Variants in INAVA observed in about 807,000 individuals in gnomAD.
The protein encoded by INAVA is innate immunity activator, also known as innate immunity activator protein.
Under a neutral mutation model 55.3 loss-of-function variants are expected in INAVA, and 32 were observed. That is an observed-to-expected ratio of 0.58 (90% CI 0.44 to 0.78). The LOEUF is 0.78. Among genes scored for constraint, INAVA ranks in the 30% least tolerant of loss-of-function variants. The pLI, the probability that INAVA is intolerant of heterozygous loss-of-function variation, is 0.00. For missense variants in INAVA, 756 were observed against 786.4 expected (o/e 0.96, Z 0.46); for synonymous variants, 294 against 329.4 (o/e 0.89, Z 1.16).
intron 2 of INAVA, 86 bp from the exon 3 acceptor site, chr1:200,899,387 G>A: frequency 1.4e-6 from 2 of 1,438,708 alleles, no homozygotes; most frequent in Non-Finnish European, 1.9e-6. Context: ...GTGTGTGCAT[G>A]TGCATTCCCC....
intron 1 of INAVA, among the ~76,000 whole-genome samples, chr1:200,895,882 C>A (rs1466943861): frequency 6.6e-6 from 1 of 152,194 alleles, no homozygotes; most frequent in Non-Finnish European, 1.5e-5. Context: ...GCAGCAGAAC[C>A]AAGCCTTGAG....
In INAVA at chr1:200,901,109, G is replaced by C. The variant is rs1329123458; in HGVS notation, c.470G>C (p.Arg157Pro). ...LQELQRCLVE[R>P]RRNSEPPPAA... ...GAGCTCCAGCGCTGCCTGGTCGAGC[G>C]GCGGCGCAATAGCGAGCCACCTCCG... Residue 157 changes from arginine to proline, a missense_variant, in exon 5 of 10, where the codon CGG (arginine) becomes CCG (proline). Arg to Pro is a moderately radical substitution (Grantham distance 103, BLOSUM62 -2). This residue lies in a region of INAVA where 639 missense variants were observed against 624.3 expected (regional missense o/e 1.02). Transcript: ENST00000413687. The C allele has an allele frequency of 2.0e-6, 3 of 1,534,384 alleles. No homozygotes were observed. The highest frequency in any genetic ancestry group is 1.4e-5 in the African/African-American group (1 of 72,928).
At chr1:200,896,604 G>T (rs1248221347) in intron 1 of INAVA, among the ~76,000 whole-genome samples, 1 of 152,226 alleles carries the variant, frequency 6.6e-6, no homozygotes, top group Non-Finnish European at 1.5e-5. Flanking sequence ...AAATTCCAAA[G>T]TGCAAGGTAC....
chr1:200,908,786 C>G lies in INAVA; in HGVS notation c.631C>G (p.Leu211Val). 6.2e-7 allele frequency: 1 copy of G among 1,612,564 alleles called. No homozygotes were observed. Among genetic ancestry groups the G allele is most frequent in the Non-Finnish European group, 8.5e-7 (1 of 1,179,294 alleles). The change falls in exon 7 of 10, where the codon CTC becomes GTC. Residue 211 changes from leucine to valine, a missense_variant. By Grantham distance (32) the Leu-to-Val change is conservative. Coordinates refer to ENST00000413687, the MANE Select transcript of INAVA (RefSeq NM_001142569.3). ...GTCTCCAGCCCCACCTTCTCGGCCT[C>G]TCCCACCCCAAACCCTTGAGGGTCT... ...PESPAPPSRP[L>V]PPQTLEGLQP...
intron 5 of INAVA, among the ~76,000 whole-genome samples, chr1:200,907,597 T>C (rs1653546623): frequency 6.6e-6 from 1 of 151,760 alleles, no homozygotes; most frequent in African/African-American, 2.4e-5. Context: ...AGGTCAAGGC[T>C]GCAGTGAGCC....
Position 200,913,874 on chromosome 1 carries a change from G to C in INAVA, c.*245G>C, listed in dbSNP as rs556843527. The C allele has an allele frequency of 6.7e-3, 3,286 of 487,968 alleles. 45 individuals carry two copies. The highest frequency in any genetic ancestry group is 0.057 in the African/African-American group (2,967 of 51,746). The allele number at this position is 487,968 out of a possible 1,614,324, so 30.2% of individuals were successfully genotyped here. A position where few individuals can be genotyped will look rare whatever the true frequency, so the allele number is the denominator to read the frequency against. ...TTTATCCCCCAGAGTTTGGCCTACT[G>C]GACTTAAGGCCTTGCCTGTCTGACT... is the stretch of plus-strand genomic sequence containing the variant. On this transcript the variant is annotated 3_prime_UTR_variant, in exon 10 of 10. Coordinates refer to ENST00000413687, the MANE Select transcript of INAVA (RefSeq NM_001142569.3).
Position 200,901,052 on chromosome 1 carries a change from A to C in INAVA, c.413A>C (p.His138Pro), listed in dbSNP as rs997256958. ...LSRQARRQRK[H>P]SMLQEEKKLQ... ...AGGCAGGCTCGGCGGCAGCGGAAGC[A>C]CTCCATGCTGCAGGAGGAGAAGAAG... The change falls in exon 5 of 10, where the codon CAC (histidine) becomes CCC (proline). Residue 138 changes from histidine (H) to proline (P), a missense_variant. This residue lies in a region of INAVA where 639 missense variants were observed against 624.3 expected (regional missense o/e 1.02). Coordinates refer to ENST00000413687, the MANE Select transcript of INAVA (RefSeq NM_001142569.3). The C allele has an allele frequency of 5.2e-6, 8 of 1,545,478 alleles. No individual in the cohort carries two copies. The Admixed American group carries it at 9.8e-5, about 19-fold the overall frequency.
At position 200,894,918 on chromosome 1, in the gene INAVA, G is replaced by T. The variant is rs576858286; in HGVS notation, c.-264G>T. 387 of 985,728 alleles carry T rather than the reference G, an allele frequency of 3.9e-4. No homozygotes were observed. The highest frequency in any genetic ancestry group is 4.6e-4 in the Non-Finnish European group (381 of 830,174). 61.1% of individuals were successfully genotyped at this position (985,728 alleles called of 1,614,324 possible). On this transcript the variant is annotated 5_prime_UTR_variant, in exon 1 of 10. Coordinates refer to ENST00000413687, the MANE Select transcript of INAVA (RefSeq NM_001142569.3). The stretch of plus-strand genomic sequence containing the variant: ...CTGGCCCGGCAGCCTGGGAGGGACG[G>T]CAAGGTAGGCAGGTGAGCCGAGACG...
At chr1:200,893,104 A>G (rs1668267810), upstream of INAVA, among the ~76,000 whole-genome samples, 1 of 152,220 alleles carries the variant, frequency 6.6e-6, no homozygotes, top group African/African-American at 2.4e-5. Context: ...ACCTTTAGTT[A>G]TGAAGACAAC....
In INAVA at chr1:200,895,063, C is replaced by T. The variant is rs868428079; in HGVS notation, c.-119C>T. 4.5e-5 allele frequency: 44 copies of T among 985,610 alleles called. No homozygotes were observed. The highest frequency in any genetic ancestry group is 5.2e-4 in the Middle Eastern group (1 of 1,940). The allele number at this position is 985,610 out of a possible 1,614,324, so 61.1% of individuals were successfully genotyped here. On this transcript the variant is annotated 5_prime_UTR_variant, in exon 1 of 10. Transcript: ENST00000413687. Reference sequence around the variant, plus strand: ...ACTGGAAGCAGGGGCTGTTTTTCAACTCCTGGACTAAAGCCCAGAAGCAGG... The same window carrying T: ...ACTGGAAGCAGGGGCTGTTTTTCAATTCCTGGACTAAAGCCCAGAAGCAGG...
intron 6 of INAVA, chr1:200,908,479 T>G (rs1653581476): frequency 2.5e-6 from 1 of 403,018 alleles, no homozygotes; most frequent in Non-Finnish European, 4.4e-6. Flanking sequence ...TGGAGCACTG[T>G]AAGCCCAAGA....
At chr1:200,896,910 A>C (rs577913878) in intron 1 of INAVA, among the ~76,000 whole-genome samples, 2 of 152,348 alleles carry the variant, frequency 1.3e-5, no homozygotes, top group African/African-American at 4.8e-5. Flanking sequence ...AGAAACTCGG[A>C]AGGACTTTTG....
chr1:200,912,219 G>A (rs1326429505), intron 9 of INAVA, 82 bp downstream of exon 9: 10 of 1,264,212 alleles, frequency 7.9e-6, no homozygotes, highest in Non-Finnish European at 9.6e-6. Flanking sequence ...GTATGTCCAA[G>A]GGTACAGAGG....
At chr1:200,904,900 A>C (rs1398656092) in intron 5 of INAVA, among the ~76,000 whole-genome samples, 1 of 151,742 alleles carries the variant, frequency 6.6e-6, no homozygotes, top group Non-Finnish European at 1.5e-5. Flanking sequence ...CCAGCAAATT[A>C]AAACAAAACA....
chr1:200,905,188 C>T (rs1429657424), intron 5 of INAVA, among the ~76,000 whole-genome samples: 1 of 152,136 alleles, frequency 6.6e-6, no homozygotes, highest in Non-Finnish European at 1.5e-5. Context: ...GGAGTCAAGC[C>T]CAGCTCCTGG....
At chr1:200,901,180 G>C (rs780166208) in intron 5 of INAVA, 21 bp downstream of exon 5, 215 of 1,484,490 alleles carry the variant, frequency 1.4e-4, no homozygotes, top group African/African-American at 2.8e-5. Flanking sequence ...TGCCCTGAGG[G>C]GGGCCATGCT....
intron 5 of INAVA, among the ~76,000 whole-genome samples, chr1:200,905,549 T>G (rs1206495464): frequency 2.6e-5 from 4 of 152,220 alleles, no homozygotes; most frequent in Non-Finnish European, 5.9e-5. Context: ...ACAACCCATC[T>G]TTAAAAAGAT....
intron 8 of INAVA, among the ~76,000 whole-genome samples, chr1:200,909,809 G>T (rs1263223364): frequency 6.6e-6 from 1 of 152,142 alleles, no homozygotes; most frequent in African/African-American, 2.4e-5. Flanking sequence ...AGCAAATACT[G>T]AACCCTTGCC....
intron 3 of INAVA, 132 bp downstream of exon 3, chr1:200,899,729 G>A (rs1653148395): frequency 4.5e-6 from 6 of 1,345,372 alleles, no homozygotes; most frequent in Non-Finnish European, 5.0e-6. Flanking sequence ...TGGGGGCTGG[G>A]GCCCAGAGTC....
Sources: allele counts gnomAD v4.1 joint callset (sites outside exome capture counted in the v4.1 genomes callset), GRCh38; gene constraint gnomAD v4.1.1; regional missense constraint gnomAD v4.1.1; transcripts MANE v1.5; gene names NCBI Gene and HGNC (gene_info 2026-07-23, HGNC 2026-07-21).